The following FLG variants were observed in gnomAD, a reference collection of about 807,000 sequenced individuals.
FLG encodes the protein filaggrin.
Under a neutral mutation model 3.8 loss-of-function variants are expected in FLG, and 6 were observed. The observed-to-expected ratio is 1.60, with a 90% confidence interval of 0.87 to 3.15. FLG has a LOEUF of 3.15. FLG is among the 30% of genes most tolerant of loss of function. FLG has a pLI of 0.00. For missense variants in FLG, 7,595 were observed against 5,050.9 expected, an observed-to-expected ratio of 1.50 and a Z score of -15.27; for synonymous variants, 2,551 against 1,931.6, an observed-to-expected ratio of 1.32 and a Z score of -8.41.
At position 152,312,355 on chromosome 1, in the gene FLG, T is replaced by C. The variant is rs538029506; in HGVS notation, c.2531A>G (p.His844Arg). Residue 844 changes from histidine to arginine, a missense_variant, in exon 3 of 3, where the codon CAC (histidine) becomes CGC (arginine). Transcript: ENST00000368799. ...SQDGQDTIRG[H>R]PGSSRRGRQG... ...CCTTCCTCTTCTGCTTGACCCCGGG[T>C]GTCCACGAATGGTGTCCTGACCATC... The C allele has an allele frequency of 5.3e-5, 86 of 1,611,758 alleles. No homozygotes were observed. Among genetic ancestry groups the C allele is most frequent in the Non-Finnish European group, 7.2e-5 (85 of 1,179,204 alleles).
At position 152,312,930 on chromosome 1, in the gene FLG, C is replaced by T. The variant is rs1389855682; in HGVS notation, c.1956G>A (p.Gln652=). The T allele has an allele frequency of 6.2e-7, 1 of 1,614,036 alleles. No individual in the cohort carries two copies. Residue 652 remains glutamine, a synonymous_variant, in exon 3 of 3, where the codon CAG becomes CAA. Transcript: ENST00000368799. ...SRNHHGSAQE[Q]SRDGSRHPRS... ...TGGGGTGTCTGGAGCCATCTCTTGA[C>T]TGCTCCTGAGCAGATCCATGATGGT...
rs777560970 is a variant in FLG at position 152,303,200 on chromosome 1, T to C, written c.11686A>G (p.Arg3896Gly). The change falls in exon 3 of 3, where the codon AGA (arginine) becomes GGA (glycine). Residue 3896 changes from arginine to glycine, a missense_variant. Physicochemically the swap from Arg to Gly is moderately radical, Grantham distance 125 (BLOSUM62 -2). Coordinates refer to ENST00000368799, the MANE Select transcript of FLG (RefSeq NM_002016.2). ...GATCCGGGGTGTCTGGAGCCATCTC[T>C]TGACTGCTCCCGAGAAGATCCATGA... ...NHHGSSREQS[R>G]DGSRHPGSSH... is the part of the protein sequence containing the mutation. The C allele has an allele frequency of 2.5e-6, 4 of 1,614,088 alleles. No individual in the cohort carries two copies. Among genetic ancestry groups the C allele is most frequent in the Non-Finnish European group, 2.5e-6 (3 of 1,180,012 alleles).
Position 152,312,235 on chromosome 1 carries a change from C to T in FLG, c.2651G>A (p.Arg884His), listed in dbSNP as rs759429383. 4.0e-5 allele frequency: 64 copies of T among 1,613,288 alleles called. No homozygotes were observed. Among genetic ancestry groups the T allele is most frequent in the Admixed American group, 6.7e-5 (4 of 59,920 alleles). Residue 884 changes from arginine (R) to histidine (H), a missense_variant, in exon 3 of 3, where the codon CGT becomes CAT. Arg to His is a conservative substitution (Grantham distance 29). Coordinates refer to ENST00000368799, the MANE Select transcript of FLG (RefSeq NM_002016.2). The part of the protein sequence containing the change: ...TTSQGRSDAS[R>H]GQSGSRSASR... ...TGCACTTCTGGATCCTGACTGCCCACGGGAGGCATCAGACCTTCCCTGGGA... is the reference window on the plus strand; with the variant it reads ...TGCACTTCTGGATCCTGACTGCCCATGGGAGGCATCAGACCTTCCCTGGGA...
chr1:152,309,848 T>C lies in FLG; in HGVS notation c.5038A>G (p.Arg1680Gly), dbSNP rs1385830113. The change falls in exon 3 of 3, where the codon AGA becomes GGA. Residue 1680 changes from arginine to glycine, a missense_variant. Coordinates refer to ENST00000368799, the MANE Select transcript of FLG (RefSeq NM_002016.2). ...GACTGCTGGTGGCGGGATCCATGTC[T>C]TTCTCCTGGACTTGACCTTGCCTGT... is the stretch of plus-strand genomic sequence containing the variant. ...QEQARSSPGE[R>G]HGSRHQQSAD... 9.9e-6 allele frequency: 16 copies of C among 1,614,016 alleles called. No homozygotes were observed. The highest frequency in any genetic ancestry group is 1.4e-5 in the Non-Finnish European group (16 of 1,180,028).
rs746671388 is a variant in FLG at position 152,303,291 on chromosome 1, C to T, written c.11595G>A (p.Gln3865=). Residue 3865 remains glutamine, a synonymous_variant, in exon 3 of 3, where the codon CAG becomes CAA. Transcript: ENST00000368799. ...RSRRQGSSVS[Q]DSDSEAYPED... ...CTGGGTATGCCTCACTGTCACTGTC[C>T]TGGCTAACACTGGATCCCTGGCGCC... The T allele has an allele frequency of 7.4e-6, 12 of 1,614,120 alleles. No homozygotes were observed. Among genetic ancestry groups the T allele is most frequent in the Non-Finnish European group, 1.0e-5 (12 of 1,180,016 alleles).
In FLG at chr1:152,305,094, G is replaced by T. The variant is rs534935170; in HGVS notation, c.9792C>A (p.His3264Gln). The T allele has an allele frequency of 2.2e-5, 35 of 1,613,608 alleles. No homozygotes were observed. In the South Asian group the frequency reaches 3.2e-4, roughly 15 times the overall value. ...PRSHHEDRAG[H>Q]GHSADRSRQS... is the part of the protein sequence containing the mutation. ...GTCTGGAGCGGTCTGCAGAGTGCCCGTGACCGGCTCTGTCTTCGTGATGGG... is the reference window on the plus strand; with the variant it reads ...GTCTGGAGCGGTCTGCAGAGTGCCCTTGACCGGCTCTGTCTTCGTGATGGG... Residue 3264 changes from histidine to glutamine, a missense_variant, in exon 3 of 3, where the codon CAC (histidine) becomes CAA (glutamine). His to Gln is a conservative substitution (Grantham distance 24, BLOSUM62 0). Transcript: ENST00000368799.
intron 1 of FLG, among the ~76,000 whole-genome samples, chr1:152,315,844 A>T (rs1652770445): frequency 6.6e-6 from 1 of 152,214 alleles, no homozygotes; most frequent in Non-Finnish European, 1.5e-5. Flanking sequence ...AAATTTACTG[A>T]AAATTACTTC....
In FLG at chr1:152,310,076, A is replaced by T; in HGVS notation, c.4810T>A (p.Ser1604Thr). 2 of 1,613,784 alleles carry T rather than the reference A, an allele frequency of 1.2e-6. No homozygotes were observed. Among genetic ancestry groups the T allele is most frequent in the Non-Finnish European group, 1.7e-6 (2 of 1,179,980 alleles). The change falls in exon 3 of 3, where the codon TCA (serine) becomes ACA (threonine). Residue 1604 changes from serine to threonine, a missense_variant. By Grantham distance (58) the Ser-to-Thr change is moderately conservative (BLOSUM62 1). Transcript: ENST00000368799. Reference sequence around the variant, plus strand: ...TCAGACCGCCTCTCAGAGTCTTCTGAGTGTCCCTCACTGTCCCTGTCCTGA... The same window carrying T: ...TCAGACCGCCTCTCAGAGTCTTCTGTGTGTCCCTCACTGTCCCTGTCCTGA... ...VSQDRDSEGH[S>T]EDSERRSESA...
intron 1 of FLG, among the ~76,000 whole-genome samples, chr1:152,316,303 G>A (rs1652787087): frequency 6.6e-6 from 1 of 151,978 alleles, no homozygotes. Context: ...TTTTGCTGTG[G>A]TTAAGTGATA....
rs13376095 is a variant in FLG at position 152,313,392 on chromosome 1, C to G, written c.1494G>C (p.Glu498Asp). The stretch of plus-strand genomic sequence containing the variant: ...AATGCCTGGAGCTGTCTCGTGCCTG[C>G]TCGTGGTGCGATCCTTGTCTTCCTC... ...STGGRQGSHH[E>D]QARDSSRHSA... Residue 498 changes from glutamate (E) to aspartate (D), a missense_variant, in exon 3 of 3, where the codon GAG becomes GAC. By Grantham distance (45) the Glu-to-Asp change is conservative. Coordinates refer to ENST00000368799, the MANE Select transcript of FLG (RefSeq NM_002016.2). The G allele has an allele frequency of 1.5e-3, 2,363 of 1,613,764 alleles. 38 individuals are homozygous for G. In the African/African-American group the frequency reaches 0.028, roughly 19 times the overall value.
Position 152,311,507 on chromosome 1 carries a change from A to G in FLG, c.3379T>C (p.Ser1127Pro). 6.2e-7 allele frequency: 1 copy of G among 1,613,526 alleles called. No homozygotes were observed. Among genetic ancestry groups the G allele is most frequent in the Admixed American group, 1.7e-5 (1 of 59,980 alleles). The change falls in exon 3 of 3, where the codon TCT becomes CCT. Residue 1127 changes from serine to proline, a missense_variant. By Grantham distance (74) the Ser-to-Pro change is moderately conservative (BLOSUM62 -1). Coordinates refer to ENST00000368799, the MANE Select transcript of FLG (RefSeq NM_002016.2). ...CTGGTCCGCCCATGGGCAGACTCAG[A>G]CTGTTCATGAGTGCTCACCTGGTAG... ...FIYQVSTHEQ[S>P]ESAHGRTRTS...
At position 152,313,758 on chromosome 1, in the gene FLG, T is replaced by C; in HGVS notation, c.1128A>G (p.Ala376=). The part of the protein sequence containing the change: ...RGQTASSHEQ[A]RSSPGERHGS... The stretch of plus-strand genomic sequence containing the variant: ...CATGTCTTTCTCCTGGACTTGATCT[T>C]GCCTGTTCATGGGATGATGCAGTCT... The change falls in exon 3 of 3, where the codon GCA becomes GCG. Residue 376 remains alanine, a synonymous_variant. Transcript: ENST00000368799. 1 of 1,614,138 alleles carries C rather than the reference T, an allele frequency of 6.2e-7. No individual in the cohort carries two copies. The highest frequency in any genetic ancestry group is 8.5e-7 in the Non-Finnish European group (1 of 1,179,992).
rs756249581 is a variant in FLG, at chr1:152,311,294, T to C, written c.3592A>G (p.Thr1198Ala). 6.2e-7 allele frequency: 1 copy of C among 1,613,680 alleles called. No homozygotes were observed. The highest frequency in any genetic ancestry group is 1.3e-5 in the African/African-American group (1 of 74,782). Residue 1198 changes from threonine to alanine, a missense_variant, in exon 3 of 3, where the codon ACC (threonine) becomes GCC (alanine). By Grantham distance (58) the Thr-to-Ala change is moderately conservative. Coordinates refer to ENST00000368799, the MANE Select transcript of FLG (RefSeq NM_002016.2). Reference protein sequence around the residue: ...SGHSGSHHSHTTSQGRSDASH... With the variant: ...SGHSGSHHSHATSQGRSDASH... ...GCATCAGACCTTCCCTGGGATGTGG[T>C]GTGGCTGTGATGGGACCCTGAGTGT...
At position 152,302,780 on chromosome 1, in the gene FLG, G is replaced by T; in HGVS notation, c.12106C>A (p.Pro4036Thr). The part of the protein sequence containing the change: ...RYYATYINKD[P>T]GLCGHSSDIS... Reference sequence around the variant, plus strand: ...TCACTAGAATGGCCACATAAACCTGGGTCCTTATTAATATACGTTGCATAA... The same window carrying T: ...TCACTAGAATGGCCACATAAACCTGTGTCCTTATTAATATACGTTGCATAA... Residue 4036 changes from proline (P) to threonine (T), a missense_variant, in exon 3 of 3, where the codon CCA becomes ACA. Physicochemically the swap from Pro to Thr is conservative, Grantham distance 38 (BLOSUM62 -1). Coordinates refer to ENST00000368799, the MANE Select transcript of FLG (RefSeq NM_002016.2). 2 of 1,614,050 alleles carry T rather than the reference G, an allele frequency of 1.2e-6. No homozygotes were observed. Among genetic ancestry groups the T allele is most frequent in the Admixed American group, 1.7e-5 (1 of 60,010 alleles).
At position 152,309,745 on chromosome 1, in the gene FLG, G is replaced by T. The variant is rs765513554; in HGVS notation, c.5141C>A (p.Ser1714Tyr). The T allele has an allele frequency of 1.1e-5, 18 of 1,613,806 alleles. No homozygotes were observed. The highest frequency in any genetic ancestry group is 4.5e-5 in the East Asian group (2 of 44,830). ...SVVGDSGNRG[S>Y]SGSQASDSEG... Reference sequence around the variant, plus strand: ...GCTGTCACTGGCCTGGCTACCACTGGACCCTCGGTTTCCACTGTCTCCGAC... The same window carrying T: ...GCTGTCACTGGCCTGGCTACCACTGTACCCTCGGTTTCCACTGTCTCCGAC... The change falls in exon 3 of 3, where the codon TCC (serine) becomes TAC (tyrosine). Residue 1714 changes from serine (S) to tyrosine (Y), a missense_variant. By Grantham distance (144) the Ser-to-Tyr change is moderately radical. Coordinates refer to ENST00000368799, the MANE Select transcript of FLG (RefSeq NM_002016.2).
rs1447577955 is a variant in FLG at position 152,310,145 on chromosome 1, A to T, written c.4741T>A (p.Ser1581Thr). Reference sequence around the variant, plus strand: ...CGCCTGCTTGTCTTGGACCCCGCTGATTCTCCCTGGCCCACCTGTGAGTGT... The same window carrying T: ...CGCCTGCTTGTCTTGGACCCCGCTGTTTCTCCCTGGCCCACCTGTGAGTGT... ...SRHSQVGQGESAGSKTSRRQG... is the reference protein window; with the variant it reads ...SRHSQVGQGETAGSKTSRRQG... Residue 1581 changes from serine (S) to threonine (T), a missense_variant, in exon 3 of 3, where the codon TCA (serine) becomes ACA (threonine). Ser to Thr is a moderately conservative substitution (Grantham distance 58). Coordinates refer to ENST00000368799, the MANE Select transcript of FLG (RefSeq NM_002016.2). 1.1e-5 allele frequency: 18 copies of T among 1,613,442 alleles called. No homozygotes were observed. Among genetic ancestry groups the T allele is most frequent in the Non-Finnish European group, 1.4e-5 (17 of 1,179,906 alleles).
Position 152,313,657 on chromosome 1 carries a change from C to T in FLG, c.1229G>A (p.Ser410Asn). The change falls in exon 3 of 3, where the codon AGC (serine) becomes AAC (asparagine). Residue 410 changes from serine (S) to asparagine (N), a missense_variant. Coordinates refer to ENST00000368799, the MANE Select transcript of FLG (RefSeq NM_002016.2). ...TGRGQASSAV[S>N]DRGHRGSSGS... ...GCTAGACCCCCGGTGTCCACGATCG[C>T]TGACTGCAGATGAAGCTTGCCCGCG... 6.2e-7 allele frequency: 1 copy of T among 1,614,092 alleles called. No individual in the cohort carries two copies. The highest frequency in any genetic ancestry group is 8.5e-7 in the Non-Finnish European group (1 of 1,180,014).
Position 152,303,822 on chromosome 1 carries a change from A to T in FLG, c.11064T>A (p.His3688Gln), listed in dbSNP as rs200177920. 6.2e-7 allele frequency: 1 copy of T among 1,613,016 alleles called. No individual in the cohort carries two copies. The highest frequency in any genetic ancestry group is 2.2e-5 in the East Asian group (1 of 44,724). Residue 3688 changes from histidine (H) to glutamine (Q), a missense_variant, in exon 3 of 3, where the codon CAT becomes CAA. Coordinates refer to ENST00000368799, the MANE Select transcript of FLG (RefSeq NM_002016.2). ...SVSAHGQAGP[H>Q]QQSHQESTRG... ...GTGTGGACTCTTGGTGGCTCTGCTGATGGGGCCCAGCCTGTCCGTGGGCTG... is the reference window on the plus strand; with the variant it reads ...GTGTGGACTCTTGGTGGCTCTGCTGTTGGGGCCCAGCCTGTCCGTGGGCTG...
In FLG at chr1:152,307,330, T is replaced by C. The variant is rs1482629523; in HGVS notation, c.7556A>G (p.Asn2519Ser). 1 of 1,613,008 alleles carries C rather than the reference T, an allele frequency of 6.2e-7. No homozygotes were observed. Among genetic ancestry groups the C allele is most frequent in the African/African-American group, 1.3e-5 (1 of 74,694 alleles). ...GGAGCCGTCTCCTGATTGTTCATCG[T>C]TACGAGTTTGTCTGCTTGCACTTCT... ...GSRSASRQTR[N>S]DEQSGDGSRH... Residue 2519 changes from asparagine (N) to serine (S), a missense_variant, in exon 3 of 3, where the codon AAC becomes AGC. By Grantham distance (46) the Asn-to-Ser change is conservative. Coordinates refer to ENST00000368799, the MANE Select transcript of FLG (RefSeq NM_002016.2).
Sources: allele counts gnomAD v4.1 joint callset (sites outside exome capture counted in the v4.1 genomes callset), GRCh38; gene constraint gnomAD v4.1.1; transcripts MANE v1.5; gene names NCBI Gene and HGNC (gene_info 2026-07-23, HGNC 2026-07-21).